SP140L: variants seen among roughly 807,000 people sequenced by gnomAD.
SP140L encodes SP140 like nuclear body protein, also known as nuclear body protein SP140-like protein.
In SP140L, 64 loss-of-function variants were observed where a neutral mutation model predicts 84.3. The observed-to-expected ratio is 0.76, with a 90% CI of 0.62 to 0.94. The LOEUF (loss-of-function observed/expected upper bound fraction) is 0.94, where lower values mean the gene tolerates loss of function less well. Among genes scored for constraint, SP140L ranks in the 40% least tolerant of loss-of-function variants. SP140L has a pLI of 0.00. For missense variants in SP140L, 628 were observed against 692.5 expected (o/e 0.91, Z 1.05); for synonymous variants, 242 against 236.9 (o/e 1.02, Z -0.20).
At chr2:230,358,826 T>C in intron 3 of SP140L, 138 bp from the exon 4 acceptor site, 1 of 677,110 alleles carries the variant, frequency 1.5e-6, no homozygotes, top group South Asian at 2.5e-5. Flanking sequence ...TATACAAATA[T>C]GTAAAAATTA....
At chr2:230,391,285 G>A (rs1052540074) in intron 11 of SP140L, among the ~76,000 whole-genome samples, 4 of 152,114 alleles carry the variant, frequency 2.6e-5, no homozygotes, top group African/African-American at 7.2e-5. Flanking sequence ...ACTTATTGAG[G>A]AAACACCAAA....
chr2:230,389,548 C>A (rs1055168275), intron 10 of SP140L, among the ~76,000 whole-genome samples: 1 of 152,178 alleles, frequency 6.6e-6, no homozygotes, highest in African/African-American at 2.4e-5. Flanking sequence ...CTGGCTTCAT[C>A]TCTGGCTACC....
At chr2:230,394,274 T>C (rs775701942) in intron 13 of SP140L, among the ~76,000 whole-genome samples, 25 of 151,940 alleles carry the variant, frequency 1.6e-4, no homozygotes, top group Non-Finnish European at 3.2e-4. Flanking sequence ...GACAAGGTGA[T>C]GGTTTTTCGA....
In SP140L at chr2:230,402,947, C is replaced by G. The variant is rs527337696; in HGVS notation, c.*51C>G. ...TCAGGAAATATGCTACTGGTTGCCA[C>G]TGACTTCAAACTGAGAGCACTTGGG... On this transcript the variant is annotated 3_prime_UTR_variant, in exon 19 of 19. Transcript: ENST00000415673. 14 of 1,490,364 alleles carry G rather than the reference C, an allele frequency of 9.4e-6. No homozygotes were observed. In the Admixed American group the frequency reaches 1.8e-4, roughly 19 times the overall value. The allele number at this position is 1,490,364 out of a possible 1,614,324, so 92.3% of individuals were successfully genotyped here. A position where few individuals can be genotyped will look rare whatever the true frequency, so the allele number is the denominator to read the frequency against.
chr2:230,374,423 G>A (rs2061180671), intron 7 of SP140L, among the ~76,000 whole-genome samples: 1 of 152,130 alleles, frequency 6.6e-6, no homozygotes, highest in African/African-American at 2.4e-5. Flanking sequence ...TAAAGAAAGT[G>A]GTTTCTTGAG....
intron 2 of SP140L, among the ~76,000 whole-genome samples, chr2:230,350,333 T>C (rs910830934): frequency 1.3e-5 from 2 of 152,238 alleles, no homozygotes; most frequent in African/African-American, 2.4e-5. Context: ...ATTGCTACAA[T>C]TAAATAGCTA....
At position 230,400,215 on chromosome 2, in the gene SP140L, G is replaced by A. The variant is rs200057767; in HGVS notation, c.1286G>A (p.Cys429Tyr). The change falls in exon 15 of 19, where the codon TGC (cysteine) becomes TAC (tyrosine). Residue 429 changes from cysteine (C) to tyrosine (Y), a missense_variant. This residue lies in a region of SP140L where 525 missense variants were observed against 518.4 expected (regional missense o/e 1.01). Coordinates refer to ENST00000415673, the MANE Select transcript of SP140L (RefSeq NM_138402.6). ...TGTTCAAGAGTCTTCCATGAGGACTGCCACATCCCACCTGTGGAAAGTGAG... is the reference window on the plus strand; with the variant it reads ...TGTTCAAGAGTCTTCCATGAGGACTACCACATCCCACCTGTGGAAAGTGAG... ...DTCSRVFHEDCHIPPVESEKT... is the reference protein window; with the variant it reads ...DTCSRVFHEDYHIPPVESEKT... 5 of 1,614,174 alleles carry A rather than the reference G, an allele frequency of 3.1e-6. No homozygotes were observed. The highest frequency in any genetic ancestry group is 1.3e-5 in the African/African-American group (1 of 75,044).
intron 13 of SP140L, among the ~76,000 whole-genome samples, chr2:230,394,720 G>A (rs533213379): frequency 6.6e-6 from 1 of 152,266 alleles, no homozygotes; most frequent in South Asian, 2.1e-4. Flanking sequence ...CTCCTCATGG[G>A]GAGAACAGAG....
At chr2:230,385,020 T>C (rs1476375426) in intron 8 of SP140L, among the ~76,000 whole-genome samples, 3 of 152,236 alleles carry the variant, frequency 2.0e-5, no homozygotes, top group African/African-American at 7.2e-5. Context: ...TGTATTATCC[T>C]AACACATTCT....
intron 9 of SP140L, 72 bp downstream of exon 9, chr2:230,385,376 A>G: frequency 7.0e-7 from 1 of 1,437,280 alleles, no homozygotes; most frequent in South Asian, 1.2e-5. Flanking sequence ...TGAGGAGCCT[A>G]GAAGCTTTAT....
intron 5 of SP140L, among the ~76,000 whole-genome samples, chr2:230,362,135 CAT>C (rs1043942413): frequency 1.3e-5 from 2 of 152,124 alleles, no homozygotes; most frequent in Non-Finnish European, 2.9e-5. Context: ...TGACACCAAA[CAT>C]GTGGAGAACC....
At chr2:230,327,966 C>T (rs887951854) in intron 1 of SP140L, among the ~76,000 whole-genome samples, 6 of 152,144 alleles carry the variant, frequency 3.9e-5, no homozygotes, top group African/African-American at 1.4e-4. Context: ...ATTTCCTGTC[C>T]CAAGATGGGG....
chr2:230,376,074 A>T (rs2061232152), intron 7 of SP140L, among the ~76,000 whole-genome samples: 1 of 152,112 alleles, frequency 6.6e-6, no homozygotes, highest in South Asian at 2.1e-4. Flanking sequence ...TTTGGAGTTA[A>T]TTGTTGTATA....
chr2:230,400,603 G>T (rs971988106), intron 15 of SP140L: 10 of 493,530 alleles, frequency 2.0e-5, no homozygotes, highest in Non-Finnish European at 3.7e-5. Context: ...CAGGAAGCAC[G>T]GTCTTAGGCG....
chr2:230,374,279 G>A (rs2061174997), intron 7 of SP140L, among the ~76,000 whole-genome samples: 1 of 149,808 alleles, frequency 6.7e-6, no homozygotes, highest in South Asian at 2.1e-4. Context: ...TTGCACCACT[G>A]CACTCCAGCC....
intron 7 of SP140L, among the ~76,000 whole-genome samples, chr2:230,379,520 T>A (rs1049451713): frequency 2.6e-5 from 4 of 152,168 alleles, no homozygotes; most frequent in African/African-American, 9.6e-5. Flanking sequence ...TTTGAAACTA[T>A]TATTTTTACA....
chr2:230,370,216 C>T (rs936693680), intron 5 of SP140L, among the ~76,000 whole-genome samples: 2 of 152,176 alleles, frequency 1.3e-5, no homozygotes, highest in Non-Finnish European at 2.9e-5. Context: ...GAGAGCATGG[C>T]TGTTATGTGT....
chr2:230,352,173 AT>A (rs1190359581), intron 2 of SP140L, among the ~76,000 whole-genome samples: 7 of 151,720 alleles, frequency 4.6e-5, no homozygotes, highest in East Asian at 1.9e-4. Context: ...TAGTCTGAGT[AT>A]TTTTTTTAAC....
intron 2 of SP140L, among the ~76,000 whole-genome samples, chr2:230,340,437 CTT>C (rs926473077): frequency 6.7e-6 from 1 of 148,944 alleles, no homozygotes; most frequent in African/African-American, 2.5e-5. Context: ...GGTCTTGACT[CTT>C]TATCCAATTT....
Sources: gnomAD v4.1 joint callset for allele counts (sites outside exome capture counted in the v4.1 genomes callset) on GRCh38, gnomAD v4.1.1 for gene constraint, gnomAD v4.1.1 regional missense constraint, MANE v1.5 for transcripts, NCBI Gene and HGNC (gene_info 2026-07-23, HGNC 2026-07-21) for gene names.